LOXHD1: variants seen among roughly 807,000 people sequenced by gnomAD.
LOXHD1 encodes lipoxygenase homology PLAT domains 1.
In LOXHD1, 205 loss-of-function variants were observed where a neutral mutation model predicts 248.2. The ratio of observed to expected loss-of-function variants is 0.83; its 90% confidence interval spans 0.74 to 0.93. The LOEUF (loss-of-function observed/expected upper bound fraction) is 0.93. Ranked by LOEUF, LOXHD1 falls within the 40% of genes least tolerant of loss-of-function variation. The pLI, the probability that LOXHD1 is intolerant of heterozygous loss-of-function variation, is 0.00. For synonymous variants in LOXHD1, 1,113 were observed against 1,162.8 expected (o/e 0.96, Z 0.87); for missense variants, 2,930 against 2,971.6 (o/e 0.99, Z 0.33).
At chr18:46,495,042 A>G (rs148170907) in intron 37 of LOXHD1, among the ~76,000 whole-genome samples, 4,242 of 151,218 alleles carry the variant, frequency 0.028, 80 homozygotes, top group Non-Finnish European at 0.042. Flanking sequence ...TTTGTTTTGT[A>G]TTTTTAGTAG....
At chr18:46,531,972 G>A (rs1044865500) in intron 28 of LOXHD1, among the ~76,000 whole-genome samples, 2 of 152,212 alleles carry the variant, frequency 1.3e-5, no homozygotes, top group African/African-American at 4.8e-5. Flanking sequence ...AGGAAAGGCA[G>A]AGCTATAGCT....
Position 46,488,973 on chromosome 18 carries a change from G to C in LOXHD1, c.6048C>G (p.Thr2016=), listed in dbSNP as rs200730236. 3.2e-6 allele frequency: 5 copies of C among 1,550,772 alleles called. No individual in the cohort carries two copies. Among genetic ancestry groups the C allele is most frequent in the African/African-American group, 1.4e-5 (1 of 72,992 alleles). The change falls in exon 38 of 41, where the codon ACC becomes ACG. Residue 2016 remains threonine (T), a splice_region_variant and synonymous_variant. Transcript: ENST00000642948. ...NNKICDELEE[T]TYEIVIETGN... Reference sequence around the variant, plus strand: ...GAGCCAATGATCTCCCCCACATACTGGTCTCTTCCAGCTCATCACAGATCT... The same window carrying C: ...GAGCCAATGATCTCCCCCACATACTCGTCTCTTCCAGCTCATCACAGATCT...
chr18:46,604,476 CT>C (rs2144294921), intron 6 of LOXHD1, among the ~76,000 whole-genome samples: 1 of 152,352 alleles, frequency 6.6e-6, no homozygotes, highest in African/African-American at 2.4e-5. Context: ...CCCTCCACTG[CT>C]GCAGATCATT....
intron 1 of LOXHD1, among the ~76,000 whole-genome samples, chr18:46,653,511 A>G (rs1222522678): frequency 1.3e-5 from 2 of 152,254 alleles, no homozygotes; most frequent in African/African-American, 4.8e-5. Flanking sequence ...TGTAGAAGAC[A>G]GATACCTTGT....
rs2037717901 is a variant in LOXHD1, at chr18:46,569,860, A to G, written c.2048-222T>C. ...TCAACTGTAATGGCAGAATTCTAGT[A>G]GGTTCTCTGTCTGCTCCAGAAGGTG... On this transcript the variant is annotated intron_variant, in intron 15 of 40. Coordinates refer to ENST00000642948, the MANE Select transcript of LOXHD1 (RefSeq NM_001384474.1). 3.9e-5 allele frequency among the ~76,000 whole-genome samples: 6 copies of G among 152,340 alleles called. No individual in the cohort carries two copies. The South Asian group carries it at 1.2e-3, about 32-fold the overall frequency.
intron 39 of LOXHD1, 57 bp downstream of exon 39, chr18:46,484,962 G>A (rs552677174): frequency 3.5e-5 from 53 of 1,533,240 alleles, no homozygotes; most frequent in East Asian, 4.9e-5. Flanking sequence ...GGAGATTCTC[G>A]GGGTCCTCCC....
chr18:46,610,953 A>G (rs369194664), intron 5 of LOXHD1, 29 bp from the exon 6 acceptor site: 56 of 1,548,478 alleles, frequency 3.6e-5, no homozygotes, highest in Non-Finnish European at 4.5e-5. Context: ...AAAAGAAATT[A>G]CAAAAAGACC....
chr18:46,500,981 T>C (rs908936692), intron 37 of LOXHD1, among the ~76,000 whole-genome samples: 1 of 152,170 alleles, frequency 6.6e-6, no homozygotes, highest in Admixed American at 6.5e-5. Context: ...TAGACACACA[T>C]CATTATTTAA....
rs200890188 is a variant in LOXHD1 at position 46,642,099 on chromosome 18, C to A, written c.246-63G>T. On this transcript the variant is annotated intron_variant, in intron 2 of 40. Transcript: ENST00000642948. Reference sequence around the variant, plus strand: ...TGGCTCACAGGCCTGGGAGGAGAGCCAAGGGCTGGCATTCCGCTTCTTCCT... The same window carrying A: ...TGGCTCACAGGCCTGGGAGGAGAGCAAAGGGCTGGCATTCCGCTTCTTCCT... The A allele has an allele frequency of 4.9e-4, 700 of 1,417,604 alleles. 3 individuals are homozygous for A. The African/African-American group carries it at 8.7e-3, about 18-fold the overall frequency. The allele number at this position is 1,417,604 out of a possible 1,614,324, so 87.8% of individuals were successfully genotyped here.
rs376122149 is a variant in LOXHD1 at position 46,522,136 on chromosome 18, C to T, written c.5050G>A (p.Ala1684Thr). Residue 1684 changes from alanine to threonine, a missense_variant, in exon 32 of 41, where the codon GCA becomes ACA. Ala to Thr is a moderately conservative substitution (Grantham distance 58). Transcript: ENST00000642948. The stretch of plus-strand genomic sequence containing the variant: ...TTGATGATGCCCACATCCAAGCCTG[C>T]GACGTAGAACTCCTCCACAGAGCCA... ...SRGSVEEFYVAGLDVGIIKKI... is the reference protein window; with the variant it reads ...SRGSVEEFYVTGLDVGIIKKI... The T allele has an allele frequency of 1.2e-4, 181 of 1,551,288 alleles. 1 individual carries two copies. The African/African-American group carries it at 1.9e-3, about 16-fold the overall frequency.
At chr18:46,610,158 T>C (rs1375336208) in intron 6 of LOXHD1, among the ~76,000 whole-genome samples, 1 of 152,182 alleles carries the variant, frequency 6.6e-6, no homozygotes, top group Non-Finnish European at 1.5e-5. Flanking sequence ...GAAGGCTTCA[T>C]GGCAGAGTCT....
chr18:46,533,677 A>G, intron 27 of LOXHD1: 1 of 332,104 alleles, frequency 3.0e-6, no homozygotes, highest in Non-Finnish European at 5.9e-6. Flanking sequence ...TAATCTCAGC[A>G]CTTTGAGAGG....
intron 29 of LOXHD1, among the ~76,000 whole-genome samples, chr18:46,526,459 A>G (rs938645861): frequency 6.6e-6 from 1 of 152,232 alleles, no homozygotes; most frequent in Non-Finnish European, 1.5e-5. Context: ...TAACAGTAAT[A>G]CCACGGAATG....
chr18:46,560,048 T>TGCCA, intron 19 of LOXHD1, 35 bp downstream of exon 19: 16 of 1,226,294 alleles, frequency 1.3e-5, no homozygotes, highest in East Asian at 2.8e-5. Context: ...GTCTGGCCAC[T>TGCCA]CCCTCCCCAC....
chr18:46,601,639 A>C, intron 7 of LOXHD1, 172 bp from the exon 8 acceptor site: 3 of 799,916 alleles, frequency 3.8e-6, no homozygotes, highest in African/African-American at 1.7e-5. Flanking sequence ...TCTCGACCTC[A>C]TTTCATCTTT....
rs1313954787 is a variant in LOXHD1 at position 46,563,146 on chromosome 18, A to G, written c.2517T>C (p.Tyr839=). 3 of 1,544,000 alleles carry G rather than the reference A, an allele frequency of 1.9e-6. No homozygotes were observed. In the African/African-American group the frequency reaches 4.1e-5, roughly 21 times the overall value. The part of the protein sequence containing the change: ...GTSARVYMQI[Y]GEKGKTEVLF... ...GCACTTCTGTCTTGCCTTTCTCTCC[A>G]TAGATCTGCATGTAGACTCGGGCAC... The change falls in exon 18 of 41, where the codon TAT becomes TAC. Residue 839 remains tyrosine, a synonymous_variant. Coordinates refer to ENST00000642948, the MANE Select transcript of LOXHD1 (RefSeq NM_001384474.1).
In LOXHD1 at chr18:46,507,542, G is replaced by A; in HGVS notation, c.5688C>T (p.Ile1896=). 6.4e-7 allele frequency: 1 copy of A among 1,551,716 alleles called. No individual in the cohort carries two copies. Among genetic ancestry groups the A allele is most frequent in the East Asian group, 2.4e-5 (1 of 40,920 alleles). The change falls in exon 36 of 41, where the codon ATC becomes ATT. Residue 1896 remains isoleucine, a synonymous_variant. Coordinates refer to ENST00000642948, the MANE Select transcript of LOXHD1 (RefSeq NM_001384474.1). ...SYTVAVKTSD[I]LGAGTDANVF... ...TGTGAGGGACCCCCGACCCACCCAG[G>A]ATGTCGCTGGTCTTAACTGCGACGG...
At chr18:46,504,432 G>A (rs1008735329) in intron 37 of LOXHD1, among the ~76,000 whole-genome samples, 1 of 152,150 alleles carries the variant, frequency 6.6e-6, no homozygotes, top group Non-Finnish European at 1.5e-5. Flanking sequence ...AGAATCAAAT[G>A]TTTGTATCTT....
intron 36 of LOXHD1, 89 bp downstream of exon 36, chr18:46,507,449 A>T: frequency 6.8e-7 from 1 of 1,468,840 alleles, no homozygotes; most frequent in Non-Finnish European, 9.3e-7. Context: ...TTATGAAGAA[A>T]AATGCCCTGA....
Sources: allele counts gnomAD v4.1 joint callset (sites outside exome capture counted in the v4.1 genomes callset), GRCh38; gene constraint gnomAD v4.1.1; transcripts MANE v1.5; gene names NCBI Gene and HGNC (gene_info 2026-07-23, HGNC 2026-07-21).